The following PMFBP1 variants were observed in gnomAD, a reference collection of about 807,000 sequenced individuals.
PMFBP1 encodes the protein polyamine-modulated factor 1-binding protein 1.
Under a neutral mutation model 137.8 loss-of-function variants are expected in PMFBP1, and 131 were observed. That is an observed-to-expected ratio of 0.95 (90% CI 0.82 to 1.10). The LOEUF (loss-of-function observed/expected upper bound fraction) is 1.10. Among genes scored for constraint, PMFBP1 ranks in the 50% least tolerant of loss-of-function variants. The probability of loss-of-function intolerance (pLI) is 0.00; values close to 1 mark genes in which losing one functional copy is unlikely to be tolerated. For missense variants in PMFBP1, 1,199 were observed against 1,175.4 expected (o/e 1.02, Z -0.29); for synonymous variants, 490 against 450.4 (o/e 1.09, Z -1.11).
the PMFBP1 span, among the ~76,000 whole-genome samples, chr16:72,234,638 G>T: frequency 6.6e-6 from 1 of 152,100 alleles, no homozygotes; most frequent in African/African-American, 2.4e-5. Context: ...TCTTATTCTC[G>T]AGCAGCCTGC....
the PMFBP1 span, among the ~76,000 whole-genome samples, chr16:72,217,120 C>A: frequency 6.6e-6 from 1 of 152,064 alleles, no homozygotes; most frequent in South Asian, 2.1e-4. Context: ...CTAGTCCGTG[C>A]ATCTAGGTGA....
chr16:72,117,447 A>G (rs1037403213), downstream of PMFBP1, among the ~76,000 whole-genome samples: 1 of 152,108 alleles, frequency 6.6e-6, no homozygotes, highest in African/African-American at 2.4e-5. Context: ...TTTTACATAT[A>G]AGATCTGTGA....
At chr16:72,229,484 A>G in the PMFBP1 span, among the ~76,000 whole-genome samples, 55 of 152,300 alleles carry the variant, frequency 3.6e-4, no homozygotes, top group South Asian at 0.011. Context: ...GTGCATAAGC[A>G]TTCCTTTTTC....
the PMFBP1 span, among the ~76,000 whole-genome samples, chr16:72,239,449 C>A: frequency 2.2e-4 from 33 of 152,184 alleles, no homozygotes; most frequent in Non-Finnish European, 3.7e-4. Context: ...AACACATTCT[C>A]AATTTATATG....
At chr16:72,132,430 A>G (rs925857243) in intron 10 of PMFBP1, among the ~76,000 whole-genome samples, 3 of 152,196 alleles carry the variant, frequency 2.0e-5, no homozygotes, top group Admixed American at 2.0e-4. Flanking sequence ...GGGCCTGAAG[A>G]AGATGGAGAG....
At chr16:72,187,067 T>C in the PMFBP1 span, among the ~76,000 whole-genome samples, 85,466 of 148,994 alleles carry the variant, frequency 0.57, 25,498 homozygotes, top group African/African-American at 0.75. Flanking sequence ...GAGCTAAGAT[T>C]ACACCACTGC....
chr16:72,211,718 G>A, the PMFBP1 span, among the ~76,000 whole-genome samples: 4 of 152,262 alleles, frequency 2.6e-5, no homozygotes, highest in Admixed American at 6.5e-5. Flanking sequence ...TCTAGGGCCC[G>A]GCATAGTGGC....
At chr16:72,177,894 A>AT (rs113000031), upstream of PMFBP1, among the ~76,000 whole-genome samples, 13 of 151,408 alleles carry the variant, frequency 8.6e-5, no homozygotes, top group East Asian at 1.9e-4. Flanking sequence ...AATTTGCCTG[A>AT]TTTTTTTTTC....
chr16:72,176,599 T>A (rs756248458), upstream of PMFBP1, among the ~76,000 whole-genome samples: 1 of 152,238 alleles, frequency 6.6e-6, no homozygotes, highest in Non-Finnish European at 1.5e-5. Context: ...CTTGTAATGC[T>A]GACTTAATGC....
chr16:72,122,997 A>G lies in PMFBP1; in HGVS notation c.2694-9T>C. ...GTTTCTCATTGGCGACCCTGTAATA[A>G]AATCACAGGAGAAAACAGCAGCCAG... On this transcript the variant is annotated splice_polypyrimidine_tract_variant and intron_variant, in intron 18 of 20. Coordinates refer to ENST00000237353, the MANE Select transcript of PMFBP1 (RefSeq NM_031293.3). 6.2e-7 allele frequency: 1 copy of G among 1,611,112 alleles called. No homozygotes were observed.
chr16:72,182,556 G>A, the PMFBP1 span, among the ~76,000 whole-genome samples: 1 of 150,390 alleles, frequency 6.6e-6, no homozygotes, highest in East Asian at 1.9e-4. Context: ...GTCTCTCTCA[G>A]TGATTATTTC....
intron 9 of PMFBP1, among the ~76,000 whole-genome samples, chr16:72,134,208 T>C (rs2042590577): frequency 6.6e-6 from 1 of 152,176 alleles, no homozygotes; most frequent in South Asian, 2.1e-4. Context: ...CCTCAGTCTC[T>C]CCTTCTGCCT....
chr16:72,204,698 T>C, the PMFBP1 span, among the ~76,000 whole-genome samples: 1 of 152,154 alleles, frequency 6.6e-6, no homozygotes, highest in African/African-American at 2.4e-5. Flanking sequence ...TAGTACTTGA[T>C]ATACCATTTT....
rs773648443 is a variant in PMFBP1 at position 72,126,130 on chromosome 16, T to C, written c.2091A>G (p.Ile697Met). 3 of 1,613,916 alleles carry C rather than the reference T, an allele frequency of 1.9e-6. No individual in the cohort carries two copies. The highest frequency in any genetic ancestry group is 1.3e-5 in the African/African-American group (1 of 75,024). The change falls in exon 15 of 21, where the codon ATA becomes ATG. Residue 697 changes from isoleucine (I) to methionine (M), a missense_variant and splice_region_variant. Coordinates refer to ENST00000237353, the MANE Select transcript of PMFBP1 (RefSeq NM_031293.3). ...TCATTAAGGACTCCTTCTGAAGGGCTATCTTTAAGGAGGGAGAGCAGAACT... is the reference window on the plus strand; with the variant it reads ...TCATTAAGGACTCCTTCTGAAGGGCCATCTTTAAGGAGGGAGAGCAGAACT... Reference protein sequence around the residue: ...QQVIQDLNKEIALQKESLMSL... With the variant: ...QQVIQDLNKEMALQKESLMSL...
Position 72,123,654 on chromosome 16 carries a change from G to A in PMFBP1, c.2590-5C>T. 1 of 1,612,496 alleles carries A rather than the reference G, an allele frequency of 6.2e-7. No homozygotes were observed. The highest frequency in any genetic ancestry group is 1.1e-5 in the South Asian group (1 of 90,938). On this transcript the variant is annotated splice_polypyrimidine_tract_variant and splice_region_variant and intron_variant, in intron 17 of 20. Transcript: ENST00000237353. ...CCACTGGGGCAGGCAGCAGGGCTTG[G>A]GTACAAGAAGAAAACGAGACAGTCA...
At chr16:72,205,531 A>G in the PMFBP1 span, among the ~76,000 whole-genome samples, 1 of 152,196 alleles carries the variant, frequency 6.6e-6, no homozygotes, top group South Asian at 2.1e-4. Context: ...ACCCCAACAC[A>G]GCCCAGGCCT....
chr16:72,198,909 G>A, the PMFBP1 span, among the ~76,000 whole-genome samples: 1 of 147,424 alleles, frequency 6.8e-6, no homozygotes, highest in Non-Finnish European at 1.5e-5. Context: ...CTTCTATGAA[G>A]GCTGATAAAT....
intron 4 of PMFBP1, among the ~76,000 whole-genome samples, chr16:72,152,257 C>T (rs1331144329): frequency 1.3e-5 from 2 of 152,112 alleles, no homozygotes; most frequent in Non-Finnish European, 2.9e-5. Flanking sequence ...TCTCTCAATG[C>T]TTTCTCGGTT....
intron 9 of PMFBP1, among the ~76,000 whole-genome samples, chr16:72,134,074 G>T (rs2042588906): frequency 6.6e-6 from 1 of 152,108 alleles, no homozygotes; most frequent in South Asian, 2.1e-4. Context: ...CCAATCAAGA[G>T]GTCAAATGGC....
Sources: gnomAD v4.1 joint callset for allele counts (sites outside exome capture counted in the v4.1 genomes callset) on GRCh38, gnomAD v4.1.1 for gene constraint, MANE v1.5 for transcripts, NCBI Gene and HGNC (gene_info 2026-07-23, HGNC 2026-07-21) for gene names.